The following DUS2 variants were observed in gnomAD, a reference collection of about 807,000 sequenced individuals.
The protein encoded by DUS2 is tRNA-dihydrouridine(20) synthase [NAD(P)+]-like.
Under a neutral mutation model 71.3 loss-of-function variants are expected in DUS2, and 52 were observed. The observed-to-expected ratio is 0.73, with a 90% confidence interval of 0.58 to 0.92. The LOEUF is 0.92. Ranked by LOEUF, DUS2 falls within the 40% of genes least tolerant of loss-of-function variation. DUS2 has a pLI of 0.00. For missense variants in DUS2, 558 were observed against 622.6 expected, an observed-to-expected ratio of 0.90 and a Z score of 1.10; for synonymous variants, 204 against 227.8, an observed-to-expected ratio of 0.90 and a Z score of 0.94.
chr16:68,034,136 G>A (rs1252812360), intron 2 of DUS2, among the ~76,000 whole-genome samples: 1 of 152,056 alleles, frequency 6.6e-6, no homozygotes, highest in Non-Finnish European at 1.5e-5. Flanking sequence ...TATGATATCA[G>A]CTCAGCTCGG....
At chr16:68,070,807 G>A in intron 11 of DUS2, 133 bp from the exon 12 acceptor site, 1 of 842,564 alleles carries the variant, frequency 1.2e-6, no homozygotes. Context: ...CCACTTTACT[G>A]AAGCTCTGAT....
Position 68,053,600 on chromosome 16 carries a change from A to C in DUS2, c.209A>C (p.Asp70Ala). The C allele has an allele frequency of 6.2e-7, 1 of 1,614,174 alleles. No individual in the cohort carries two copies. Among genetic ancestry groups the C allele is most frequent in the Non-Finnish European group, 8.5e-7 (1 of 1,180,042 alleles). Residue 70 changes from aspartate to alanine, a missense_variant, in exon 5 of 17, where the codon GAT becomes GCT. By Grantham distance (126) the Asp-to-Ala change is moderately radical (BLOSUM62 -2). Transcript: ENST00000565263. ...LSTVDFVAPDDRVVFRTCERE... is the reference protein window; with the variant it reads ...LSTVDFVAPDARVVFRTCERE... The stretch of plus-strand genomic sequence containing the variant: ...ACAGTGGACTTTGTCGCCCCTGATG[A>C]TCGAGTTGTCTTCCGCACCTGTGAA...
At chr16:68,038,970 A>G (rs2033578722) in intron 3 of DUS2, among the ~76,000 whole-genome samples, 1 of 151,324 alleles carries the variant, frequency 6.6e-6, no homozygotes, top group Non-Finnish European at 1.5e-5. Flanking sequence ...AGGCTGAGGC[A>G]TGAGGATTAC....
chr16:68,077,727 C>T (rs2034178085), intron 15 of DUS2, among the ~76,000 whole-genome samples: 1 of 152,166 alleles, frequency 6.6e-6, no homozygotes, highest in African/African-American at 2.4e-5. Context: ...CAATGGGGCA[C>T]AGAATTGAGC....
chr16:68,078,501 G>C lies in DUS2; in HGVS notation c.1227G>C (p.Lys409Asn). 1 of 1,614,084 alleles carries C rather than the reference G, an allele frequency of 6.2e-7. No homozygotes were observed. The highest frequency in any genetic ancestry group is 8.5e-7 in the Non-Finnish European group (1 of 1,180,036). Residue 409 changes from lysine (K) to asparagine (N), a missense_variant, in exon 16 of 17, where the codon AAG becomes AAC. Physicochemically the swap from Lys to Asn is moderately conservative, Grantham distance 94 (BLOSUM62 0). Transcript: ENST00000565263. Reference protein sequence around the residue: ...FSSIVTVAEQKYQSTLWDKSK... With the variant: ...FSSIVTVAEQNYQSTLWDKSK... ...CTATTGTCACCGTTGCTGAACAAAA[G>C]TATCAGTCTACCTTGTGGTAAGTTT...
intron 13 of DUS2, 135 bp downstream of exon 13, chr16:68,074,290 C>A: frequency 1.7e-6 from 2 of 1,179,796 alleles, no homozygotes; most frequent in African/African-American, 1.5e-5. Context: ...AGTGATGGTA[C>A]AGCTTTGCCT....
At chr16:68,025,656 C>T (rs994825888) in intron 2 of DUS2, among the ~76,000 whole-genome samples, 162 bp downstream of exon 2, 13 of 152,204 alleles carry the variant, frequency 8.5e-5, no homozygotes, top group Middle Eastern at 6.8e-3. Flanking sequence ...GTGTCCGTGG[C>T]CACTAATTTC....
rs140657263 is a variant in DUS2 at position 68,023,329 on chromosome 16, C to G, written c.-121C>G. The G allele has an allele frequency of 4.2e-6, 5 of 1,188,538 alleles. No homozygotes were observed. The African/African-American group carries it at 7.8e-5, about 19-fold the overall frequency. The allele number at this position is 1,188,538 out of a possible 1,614,324, so 73.6% of individuals were successfully genotyped here. The stretch of plus-strand genomic sequence containing the variant: ...AGCACCGTGAGGAAGAAGCGAGGTT[C>G]TTTTTAAGAGTTCAGCTGCGAGGTC... On this transcript the variant is annotated 5_prime_UTR_variant, in exon 1 of 17. Coordinates refer to ENST00000565263, the MANE Select transcript of DUS2 (RefSeq NM_017803.5).
Position 68,076,628 on chromosome 16 carries a change from C to G in DUS2, c.1083-4C>G. On this transcript the variant is annotated splice_polypyrimidine_tract_variant and splice_region_variant and intron_variant, in intron 14 of 16. Transcript: ENST00000565263. ...ACCCCAACTGCTTCCCTTCCTTTCC[C>G]CAGGAGAGCATACCCAGCCCAGATC... The G allele has an allele frequency of 6.2e-7, 1 of 1,613,204 alleles. No individual in the cohort carries two copies. The highest frequency in any genetic ancestry group is 1.3e-5 in the African/African-American group (1 of 75,026).
At chr16:68,040,381 C>G (rs1251043353) in intron 3 of DUS2, among the ~76,000 whole-genome samples, 1 of 152,102 alleles carries the variant, frequency 6.6e-6, no homozygotes, top group Non-Finnish European at 1.5e-5. Context: ...CTGCACCCGG[C>G]CTTAGGATTG....
intron 2 of DUS2, among the ~76,000 whole-genome samples, chr16:68,032,188 G>A (rs1038388581): frequency 1.3e-5 from 2 of 152,216 alleles, no homozygotes; most frequent in Non-Finnish European, 1.5e-5. Context: ...TAGAGGCAGG[G>A]TGTGTCAGGC....
At chr16:68,067,879 C>G (rs2034032132) in intron 10 of DUS2, among the ~76,000 whole-genome samples, 1 of 152,096 alleles carries the variant, frequency 6.6e-6, no homozygotes, top group Non-Finnish European at 1.5e-5. Context: ...AGGCTGGTCT[C>G]AAACTCCTGG....
rs116948866 is a variant in DUS2, at chr16:68,069,873, C to A, written c.555-261C>A. 1.6e-3 allele frequency among the ~76,000 whole-genome samples: 242 copies of A among 152,264 alleles called. 2 individuals carry two copies. In the East Asian group the frequency reaches 0.026, roughly 16 times the overall value. The stretch of plus-strand genomic sequence containing the variant: ...TGGGAGCCAGGCCACCCACCATGCC[C>A]CCCTGCAGCCAGGCCTCCCCTGCAG... On this transcript the variant is annotated intron_variant, in intron 10 of 16. Coordinates refer to ENST00000565263, the MANE Select transcript of DUS2 (RefSeq NM_017803.5).
At chr16:68,068,819 C>G (rs923472551) in intron 10 of DUS2, among the ~76,000 whole-genome samples, 2 of 147,582 alleles carry the variant, frequency 1.4e-5, no homozygotes, top group Non-Finnish European at 3.0e-5. Context: ...AGGCTGGTCT[C>G]AAACTCCTAA....
At chr16:68,048,686 C>T (rs2033737141) in intron 3 of DUS2, among the ~76,000 whole-genome samples, 1 of 152,096 alleles carries the variant, frequency 6.6e-6, no homozygotes. Context: ...TCATTGTGCC[C>T]ACTTGGCTGG....
intron 2 of DUS2, among the ~76,000 whole-genome samples, chr16:68,028,055 C>T (rs1478377455): frequency 6.6e-6 from 1 of 152,034 alleles, no homozygotes; most frequent in Non-Finnish European, 1.5e-5. Flanking sequence ...ATTTTACAGG[C>T]AGTAGGGAAG....
At chr16:68,052,979 T>TTC (rs59590252) in intron 4 of DUS2, among the ~76,000 whole-genome samples, 5 of 151,004 alleles carry the variant, frequency 3.3e-5, no homozygotes, top group African/African-American at 1.2e-4. Flanking sequence ...TTTTTTTTTT[T>TTC]CGAGACGGAG....
rs2034140881 is a variant in DUS2, at chr16:68,075,273, G to C, written c.933-82G>C. 4 of 1,392,036 alleles carry C rather than the reference G, an allele frequency of 2.9e-6. No homozygotes were observed. The East Asian group carries it at 1.0e-4, about 35-fold the overall frequency. The allele number at this position is 1,392,036 out of a possible 1,614,324, so 86.2% of individuals were successfully genotyped here. A position where few individuals can be genotyped will look rare whatever the true frequency, so the allele number is the denominator to read the frequency against. ...GTGTATGTGGTAGAGGAGTTTCTCA[G>C]TGGTGGGGCCCTGGGGTCCTGCAGT... On this transcript the variant is annotated intron_variant, in intron 13 of 16. Coordinates refer to ENST00000565263, the MANE Select transcript of DUS2 (RefSeq NM_017803.5).
chr16:68,074,824 A>G (rs1330975505), intron 13 of DUS2, among the ~76,000 whole-genome samples: 2 of 151,652 alleles, frequency 1.3e-5, no homozygotes, highest in African/African-American at 4.9e-5. Flanking sequence ...GAAGGGAAAA[A>G]CCTTTGCCAG....
Sources: gnomAD v4.1 joint callset for allele counts (sites outside exome capture counted in the v4.1 genomes callset) on GRCh38, gnomAD v4.1.1 for gene constraint, MANE v1.5 for transcripts, NCBI Gene and HGNC (gene_info 2026-07-23, HGNC 2026-07-21) for gene names.